The following MBD5 variants were observed in gnomAD, a reference collection of about 807,000 sequenced individuals.
MBD5 encodes the protein methyl-CpG binding domain protein 5.
MBD5 carries 13 observed loss-of-function variants against 117.3 expected under a neutral mutation model. The observed-to-expected ratio is 0.11, with a 90% CI of 0.07 to 0.18. The LOEUF is 0.18. Among genes scored for constraint, MBD5 ranks in the 10% least tolerant of loss-of-function variants. The pLI, the probability that MBD5 is intolerant of heterozygous loss-of-function variation, is 1.00. For synonymous variants in MBD5, 727 were observed against 766.4 expected, an observed-to-expected ratio of 0.95 and a Z score of 0.85; for missense variants, 1,879 against 2,093.8, an observed-to-expected ratio of 0.90 and a Z score of 2.00.
chr2:148,407,768 C>T (rs1705127849), intron 4 of MBD5, among the ~76,000 whole-genome samples: 1 of 152,134 alleles, frequency 6.6e-6, no homozygotes, highest in Non-Finnish European at 1.5e-5. Flanking sequence ...TTTTCTTATA[C>T]ATTTGTTAAA....
intron 1 of MBD5, among the ~76,000 whole-genome samples, chr2:148,131,700 A>T (rs1272935852): frequency 6.6e-6 from 1 of 152,196 alleles, no homozygotes; most frequent in Non-Finnish European, 1.5e-5. Flanking sequence ...TGTTTCTAAA[A>T]CAGACAAAAA....
At chr2:148,368,862 C>T (rs887033617) in intron 4 of MBD5, among the ~76,000 whole-genome samples, 7 of 151,766 alleles carry the variant, frequency 4.6e-5, no homozygotes, top group East Asian at 3.9e-4. Flanking sequence ...CTAAAATTAG[C>T]GAGTAAAATT....
intron 1 of MBD5, among the ~76,000 whole-genome samples, chr2:148,114,622 C>T (rs1199287621): frequency 6.6e-6 from 1 of 152,176 alleles, no homozygotes; most frequent in Non-Finnish European, 1.5e-5. Context: ...GAGAATTCCA[C>T]ATAACCTCTC....
At chr2:148,492,904 T>A (rs566318482) in intron 11 of MBD5, among the ~76,000 whole-genome samples, 101 of 152,212 alleles carry the variant, frequency 6.6e-4, no homozygotes, top group Non-Finnish European at 9.3e-4. Context: ...GAACACTTTT[T>A]AAAATTTGTT....
intron 1 of MBD5, among the ~76,000 whole-genome samples, chr2:148,029,577 T>C (rs1005984557): frequency 2.0e-5 from 3 of 152,214 alleles, no homozygotes; most frequent in African/African-American, 7.2e-5. Flanking sequence ...GTAAATTGTT[T>C]TAGAAGGGTT....
intron 3 of MBD5, among the ~76,000 whole-genome samples, chr2:148,283,078 T>A (rs904565459): frequency 6.6e-6 from 1 of 152,148 alleles, no homozygotes; most frequent in Non-Finnish European, 1.5e-5. Flanking sequence ...TTACTGGATG[T>A]CCATTTCTTC....
At chr2:148,207,117 A>T (rs1699300955) in intron 2 of MBD5, among the ~76,000 whole-genome samples, 1 of 152,200 alleles carries the variant, frequency 6.6e-6, no homozygotes, top group South Asian at 2.1e-4. Context: ...GGTATGAAGG[A>T]TGTGCAGGAG....
At chr2:148,439,439 A>T (rs1276220854) in intron 4 of MBD5, among the ~76,000 whole-genome samples, 3 of 152,140 alleles carry the variant, frequency 2.0e-5, no homozygotes, top group Non-Finnish European at 4.4e-5. Context: ...GCTTAATTTA[A>T]GTTTTGGGTG....
chr2:148,275,171 A>T (rs989570981), intron 3 of MBD5, among the ~76,000 whole-genome samples: 1 of 152,150 alleles, frequency 6.6e-6, no homozygotes, highest in Non-Finnish European at 1.5e-5. Context: ...CATAAGCATC[A>T]CTAGGTTATT....
At chr2:148,385,512 G>A (rs1704323610) in intron 4 of MBD5, among the ~76,000 whole-genome samples, 2 of 152,108 alleles carry the variant, frequency 1.3e-5, no homozygotes, top group South Asian at 2.1e-4. Flanking sequence ...ACTGTTGGTG[G>A]AACTGTAAAC....
chr2:148,180,848 A>G (rs1011496066), intron 2 of MBD5, among the ~76,000 whole-genome samples: 4 of 152,212 alleles, frequency 2.6e-5, no homozygotes, highest in Admixed American at 6.5e-5. Flanking sequence ...CTTGACCCAT[A>G]GGAAATCATT....
chr2:148,248,354 C>T (rs1242433088), intron 3 of MBD5, among the ~76,000 whole-genome samples: 1 of 152,090 alleles, frequency 6.6e-6, no homozygotes, highest in East Asian at 1.9e-4. Flanking sequence ...CTGAAGTTCA[C>T]ACTACATAAG....
Position 148,403,182 on chromosome 2 carries a change from CTTCT to C in MBD5, c.-556-55018_-556-55015del, listed in dbSNP as rs1035208700. 1.7e-3 allele frequency among the ~76,000 whole-genome samples: 139 copies of C among 81,006 alleles called. 1 individual carries two copies. The highest frequency in any genetic ancestry group is 2.5e-3 in the Non-Finnish European group (111 of 43,876). The allele number at this position is 81,006 out of a possible 152,430, so 53.1% of individuals were successfully genotyped here. On this transcript the variant is annotated intron_variant, in intron 4 of 13. Coordinates refer to ENST00000642680, the MANE Select transcript of MBD5 (RefSeq NM_001378120.1). ...CAATTATAATAACTATATTAATGTT[CTTCT>C]TTTTTTTTTTTGAGACAGGGTCTCA...
At chr2:148,102,471 C>T (rs1026569128) in intron 1 of MBD5, among the ~76,000 whole-genome samples, 6 of 151,986 alleles carry the variant, frequency 3.9e-5, no homozygotes, top group African/African-American at 1.4e-4. Flanking sequence ...TTGTCTGTTA[C>T]ACAGCTGTGA....
intron 4 of MBD5, among the ~76,000 whole-genome samples, chr2:148,421,529 A>G: frequency 6.7e-6 from 1 of 149,928 alleles, no homozygotes; most frequent in East Asian, 2.0e-4. Flanking sequence ...TAGCTGCAGA[A>G]GTTTTTTTTT....
chr2:148,373,508 T>G (rs1433869880), intron 4 of MBD5, among the ~76,000 whole-genome samples: 2 of 152,290 alleles, frequency 1.3e-5, no homozygotes, highest in South Asian at 4.1e-4. Context: ...ATATATTATA[T>G]GCATTATCCA....
intron 1 of MBD5, among the ~76,000 whole-genome samples, chr2:148,155,579 C>G (rs762247840): frequency 3.3e-5 from 5 of 152,198 alleles, no homozygotes; most frequent in Non-Finnish European, 7.3e-5. Flanking sequence ...TGCCTATGCT[C>G]TTCTTCATCC....
intron 1 of MBD5, among the ~76,000 whole-genome samples, chr2:148,106,065 A>G (rs1173236705): frequency 1.3e-5 from 2 of 151,756 alleles, no homozygotes; most frequent in East Asian, 1.9e-4. Flanking sequence ...CAAGTTCTGC[A>G]TATGTTTCAT....
chr2:148,118,725 G>A (rs1283593746), intron 1 of MBD5, among the ~76,000 whole-genome samples: 2 of 152,040 alleles, frequency 1.3e-5, no homozygotes, highest in Non-Finnish European at 2.9e-5. Flanking sequence ...CTAATCTGTT[G>A]TCTTTCCCTA....
Sources: allele counts gnomAD v4.1 joint callset (sites outside exome capture counted in the v4.1 genomes callset), GRCh38; gene constraint gnomAD v4.1.1; transcripts MANE v1.5; gene names NCBI Gene and HGNC (gene_info 2026-07-23, HGNC 2026-07-21).